The following ABCA1 variants were observed in gnomAD, a reference collection of about 807,000 sequenced individuals.
ABCA1 encodes the protein phospholipid-transporting ATPase ABCA1.
ABCA1 carries 133 observed loss-of-function variants against 262.5 expected under a neutral mutation model. The ratio of observed to expected loss-of-function variants is 0.51; its 90% CI spans 0.44 to 0.59. ABCA1 has a LOEUF of 0.59. Ranked by LOEUF, ABCA1 falls within the 20% of genes least tolerant of loss-of-function variation. The pLI, the probability that ABCA1 is intolerant of heterozygous loss-of-function variation, is 0.00. For synonymous variants in ABCA1, 1,022 were observed against 1,043.5 expected (o/e 0.98, Z 0.40); for missense variants, 2,452 against 2,777.5 (o/e 0.88, Z 2.63).
intron 32 of ABCA1, among the ~76,000 whole-genome samples, chr9:104,803,642 T>C (rs970590891): frequency 2.0e-5 from 3 of 152,104 alleles, no homozygotes; most frequent in Non-Finnish European, 2.9e-5. Context: ...GGTTTCGCTC[T>C]TGTTGCCCAG....
chr9:104,883,663 T>C (rs573522355), intron 4 of ABCA1, among the ~76,000 whole-genome samples: 5 of 150,906 alleles, frequency 3.3e-5, no homozygotes, highest in Admixed American at 6.6e-5. Context: ...TATTTGTGTA[T>C]GGAAGGGGCC....
intron 28 of ABCA1, 42 bp from the exon 29 acceptor site, chr9:104,810,966 C>T (rs372217188): frequency 2.0e-4 from 322 of 1,613,430 alleles, no homozygotes; most frequent in South Asian, 3.6e-4. Flanking sequence ...CAGCAGGAAA[C>T]GGCAAGTGTT....
intron 2 of ABCA1, among the ~76,000 whole-genome samples, chr9:104,900,424 A>G (rs4149266): frequency 0.47 from 71,029 of 151,788 alleles, 18,409 homozygotes; most frequent in African/African-American, 0.71. Flanking sequence ...ATGAACATCC[A>G]TACGCTGCAG....
At chr9:104,786,156 T>C in intron 48 of ABCA1, 142 bp downstream of exon 48, 2 of 738,252 alleles carry the variant, frequency 2.7e-6, no homozygotes, top group Non-Finnish European at 4.6e-6. Context: ...CAGTTCGGAC[T>C]TCAAAGCCCT....
At chr9:104,834,291 GT>G (rs1204739331) in intron 11 of ABCA1, among the ~76,000 whole-genome samples, 1 of 149,660 alleles carries the variant, frequency 6.7e-6, no homozygotes, top group East Asian at 2.2e-4. Context: ...ATCCCTGGGG[GT>G]GGGTGGAATG....
chr9:104,827,388 G>T (rs1187475049), intron 15 of ABCA1, among the ~76,000 whole-genome samples: 1 of 152,210 alleles, frequency 6.6e-6, no homozygotes, highest in Non-Finnish European at 1.5e-5. Context: ...GCAGAGTTAT[G>T]AATACAACAG....
chr9:104,823,694 A>G (rs1262279478), intron 18 of ABCA1, among the ~76,000 whole-genome samples: 1 of 152,162 alleles, frequency 6.6e-6, no homozygotes, highest in African/African-American at 2.4e-5. Flanking sequence ...GAGAGCAAAC[A>G]GTACCTACAA....
At chr9:104,881,316 C>T (rs962053161) in intron 5 of ABCA1, among the ~76,000 whole-genome samples, 3 of 152,196 alleles carry the variant, frequency 2.0e-5, no homozygotes, top group Admixed American at 1.3e-4. Flanking sequence ...AAATGCATCA[C>T]TGTCTTAGAA....
At chr9:104,818,996 G>C in intron 22 of ABCA1, 113 bp from the exon 23 acceptor site, 4 of 1,025,308 alleles carry the variant, frequency 3.9e-6, no homozygotes, top group Non-Finnish European at 6.0e-6. Context: ...AAGAGACCTG[G>C]AAGCCACCTT....
chr9:104,877,227 G>C (rs942703563), intron 5 of ABCA1, among the ~76,000 whole-genome samples: 4 of 152,212 alleles, frequency 2.6e-5, no homozygotes, highest in African/African-American at 9.6e-5. Flanking sequence ...CTAACACAAG[G>C]GAATAAACTA....
At chr9:104,814,639 G>A (rs1457357748) in intron 25 of ABCA1, among the ~76,000 whole-genome samples, 164 bp from the exon 26 acceptor site, 2 of 152,206 alleles carry the variant, frequency 1.3e-5, no homozygotes, top group Non-Finnish European at 2.9e-5. Context: ...TGGGAGAGAA[G>A]CCGTTTTTGC....
chr9:104,803,623 T>C (rs981713460), intron 32 of ABCA1, among the ~76,000 whole-genome samples: 6 of 152,170 alleles, frequency 3.9e-5, no homozygotes, highest in Non-Finnish European at 7.3e-5. Context: ...TTTTTTTCTT[T>C]TGGGAGATGG....
chr9:104,895,182 G>T (rs1380238437), intron 2 of ABCA1, among the ~76,000 whole-genome samples: 1 of 152,176 alleles, frequency 6.6e-6, no homozygotes, highest in Middle Eastern at 3.2e-3. Flanking sequence ...CTCCCCATGG[G>T]GTGGGAAGAT....
At chr9:104,887,330 A>T (rs7043081) in intron 3 of ABCA1, among the ~76,000 whole-genome samples, 23,807 of 152,074 alleles carry the variant, frequency 0.16, 2,262 homozygotes, top group African/African-American at 0.27. Context: ...ATTTACCATC[A>T]GTATATACAA....
chr9:104,831,945 A>C, intron 12 of ABCA1, 118 bp from the exon 13 acceptor site: 1 of 973,532 alleles, frequency 1.0e-6, no homozygotes, highest in Non-Finnish European at 1.6e-6. Context: ...CTCTCTCTCT[A>C]ATCCTCTCTA....
At position 104,896,711 on chromosome 9, in the gene ABCA1, C is replaced by CTTTTTTTTTTTTTTTT. The variant is rs56710442; in HGVS notation, c.66+6887_66+6902dup. On this transcript the variant is annotated intron_variant, in intron 2 of 49. Coordinates refer to ENST00000374736, the MANE Select transcript of ABCA1 (RefSeq NM_005502.4). ...AACTCCAAAATTGCTCCCTACACAT[C>CTTTTTTTTTTTTTTTT]TTTTTTTTTTTTTTTTTTTTTTTTT... Among the ~76,000 whole-genome samples the CTTTTTTTTTTTTTTTT allele has an allele frequency of 1.4e-4, 5 of 36,986 alleles. 1 individual carries two copies. The highest frequency in any genetic ancestry group is 3.2e-4 in the African/African-American group (3 of 9,446). 24.3% of individuals were successfully genotyped at this position (36,986 alleles called of 152,430 possible).
chr9:104,840,136 C>G, intron 9 of ABCA1, 143 bp downstream of exon 9: 1 of 1,429,722 alleles, frequency 7.0e-7, no homozygotes, highest in South Asian at 1.3e-5. Context: ...AGCCTCTCTC[C>G]TCTAGGAAGA....
At chr9:104,882,953 C>A (rs1588497447) in intron 5 of ABCA1, 86 bp downstream of exon 5, 1 of 1,293,090 alleles carries the variant, frequency 7.7e-7, no homozygotes, top group Non-Finnish European at 1.1e-6. Flanking sequence ...CTAATGGGAA[C>A]AAGCCCCAGA....
chr9:104,863,618 C>T (rs1385813900), intron 5 of ABCA1, among the ~76,000 whole-genome samples: 1 of 152,202 alleles, frequency 6.6e-6, no homozygotes, highest in African/African-American at 2.4e-5. Flanking sequence ...GTGTATTCTG[C>T]TTTAGGCAAA....
Sources: allele counts gnomAD v4.1 joint callset (sites outside exome capture counted in the v4.1 genomes callset), GRCh38; gene constraint gnomAD v4.1.1; transcripts MANE v1.5; gene names NCBI Gene and HGNC (gene_info 2026-07-23, HGNC 2026-07-21).